The following LUC7L2 variants were observed in gnomAD, a reference collection of about 807,000 sequenced individuals.
LUC7L2 encodes the protein putative RNA-binding protein Luc7-like 2.
Under a neutral mutation model 52.8 loss-of-function variants are expected in LUC7L2, and 25 were observed. That is an observed-to-expected ratio of 0.47 (90% CI 0.34 to 0.66). The LOEUF (loss-of-function observed/expected upper bound fraction) is 0.66, where lower values mean the gene tolerates loss of function less well. Ranked by LOEUF, LUC7L2 falls within the 30% of genes least tolerant of loss-of-function variation. The pLI, the probability that LUC7L2 is intolerant of heterozygous loss-of-function variation, is 0.01. For synonymous variants in LUC7L2, 144 were observed against 160.9 expected (o/e 0.89, Z 0.80); for missense variants, 328 against 497.8 (o/e 0.66, Z 3.25).
At chr7:139,385,461 G>A (rs1455927137) in intron 2 of LUC7L2, among the ~76,000 whole-genome samples, 3 of 151,628 alleles carry the variant, frequency 2.0e-5, no homozygotes, top group Non-Finnish European at 4.4e-5. Context: ...AGCAAGGACT[G>A]CAGGCTCATG....
In LUC7L2 at chr7:139,371,342, G is replaced by A. The variant is rs538384467; in HGVS notation, c.62-4720G>A. 6.9e-5 allele frequency: 52 copies of A among 756,126 alleles called. 2 individuals carry two copies. The highest frequency in any genetic ancestry group is 4.0e-4 in the African/African-American group (23 of 57,904). The allele number at this position is 756,126 out of a possible 1,614,324, so 46.8% of individuals were successfully genotyped here. ...TATGTCAAATATTACAAACTTTAAG[G>A]TTCTTTTGAAATTACAATACTAAAC... On this transcript the variant is annotated intron_variant, in intron 1 of 9. Coordinates refer to ENST00000354926, the MANE Select transcript of LUC7L2 (RefSeq NM_016019.5).
intron 2 of LUC7L2, among the ~76,000 whole-genome samples, chr7:139,389,720 T>A (rs1427862796): frequency 2.0e-5 from 3 of 152,186 alleles, no homozygotes; most frequent in Admixed American, 2.0e-4. Flanking sequence ...TAACAAAATA[T>A]TGAGTACCTA....
At chr7:139,349,973 T>C (rs6962029) in intron 1 of LUC7L2, among the ~76,000 whole-genome samples, 58,824 of 152,080 alleles carry the variant, frequency 0.39, 15,852 homozygotes, top group African/African-American at 0.77. Flanking sequence ...CAGTCAATTC[T>C]CCTTCCCCAC....
intron 2 of LUC7L2, among the ~76,000 whole-genome samples, chr7:139,398,103 C>T (rs995350731): frequency 3.3e-5 from 5 of 152,204 alleles, no homozygotes; most frequent in African/African-American, 1.2e-4. Context: ...AAGCGATCCT[C>T]CTGCCTTGGC....
At chr7:139,348,548 G>A (rs181864072) in intron 1 of LUC7L2, among the ~76,000 whole-genome samples, 33 of 151,678 alleles carry the variant, frequency 2.2e-4, no homozygotes, top group African/African-American at 4.6e-4. Flanking sequence ...GTGAAACCCC[G>A]TCTCTACTAA....
chr7:139,356,592 G>A (rs182192984), upstream of LUC7L2, among the ~76,000 whole-genome samples: 16 of 147,546 alleles, frequency 1.1e-4, no homozygotes, highest in East Asian at 3.1e-3. Flanking sequence ...GACCAGCCTG[G>A]CCAACATGGT....
At chr7:139,420,067 C>T (rs994317795) in intron 9 of LUC7L2, among the ~76,000 whole-genome samples, 1 of 147,272 alleles carries the variant, frequency 6.8e-6, no homozygotes, top group Non-Finnish European at 1.5e-5. Flanking sequence ...CAAGTAGATT[C>T]TTTGTGACCT....
At chr7:139,361,080 G>A (rs899228799) in intron 1 of LUC7L2, among the ~76,000 whole-genome samples, 1 of 152,214 alleles carries the variant, frequency 6.6e-6, no homozygotes, top group African/African-American at 2.4e-5. Flanking sequence ...CCTTTCAGGC[G>A]TTTAGTTTAG....
intron 1 of LUC7L2, chr7:139,371,423 C>T (rs542179637): frequency 7.6e-6 from 11 of 1,447,152 alleles, no homozygotes; most frequent in Middle Eastern, 1.7e-4. Flanking sequence ...TGGTCATCCA[C>T]TCACAGCTTA....
At chr7:139,387,988 C>T (rs13243427) in intron 2 of LUC7L2, among the ~76,000 whole-genome samples, 1 of 152,146 alleles carries the variant, frequency 6.6e-6, no homozygotes, top group Admixed American at 6.6e-5. Context: ...GCATGCTTCT[C>T]ATTTTTGTTT....
chr7:139,341,456 C>T (rs769358474), intron 1 of LUC7L2: 1 of 1,613,684 alleles, frequency 6.2e-7, no homozygotes, highest in East Asian at 2.2e-5. Flanking sequence ...TGAGCGCGGC[C>T]ACCGGCCGAC....
At chr7:139,366,038 G>A (rs1055143105) in intron 1 of LUC7L2, among the ~76,000 whole-genome samples, 10 of 152,196 alleles carry the variant, frequency 6.6e-5, no homozygotes, top group Non-Finnish European at 1.3e-4. Flanking sequence ...GAAATCATCT[G>A]CAGCTCCATG....
chr7:139,412,014 C>T (rs1795380595), intron 7 of LUC7L2, among the ~76,000 whole-genome samples: 1 of 151,946 alleles, frequency 6.6e-6, no homozygotes, highest in African/African-American at 2.4e-5. Context: ...GTGCTGGCAG[C>T]ATTTAAAGGA....
chr7:139,368,282 G>T (rs1460027087), intron 1 of LUC7L2, among the ~76,000 whole-genome samples: 2 of 152,114 alleles, frequency 1.3e-5, no homozygotes, highest in African/African-American at 4.8e-5. Context: ...AATCTAATGG[G>T]AATGAAGAAT....
At chr7:139,373,606 C>T (rs1309484771) in intron 1 of LUC7L2, among the ~76,000 whole-genome samples, 1 of 151,446 alleles carries the variant, frequency 6.6e-6, no homozygotes, top group Non-Finnish European at 1.5e-5. Context: ...TTTTAAAAAA[C>T]ACAAAAAAGC....
intron 1 of LUC7L2, among the ~76,000 whole-genome samples, chr7:139,342,420 A>C (rs946747399): frequency 6.6e-6 from 1 of 152,118 alleles, no homozygotes; most frequent in Non-Finnish European, 1.5e-5. Context: ...AAGGGGAGAA[A>C]AATTGCCAGT....
At chr7:139,355,872 T>C (rs1375937351), upstream of LUC7L2, among the ~76,000 whole-genome samples, 1 of 152,210 alleles carries the variant, frequency 6.6e-6, no homozygotes, top group Non-Finnish European at 1.5e-5. Flanking sequence ...GGATTCTCAA[T>C]GAACGAATGA....
chr7:139,372,280 TA>T (rs1447202244), intron 1 of LUC7L2, among the ~76,000 whole-genome samples: 1 of 152,094 alleles, frequency 6.6e-6, no homozygotes, highest in Admixed American at 6.5e-5. Flanking sequence ...AAATTTGGAT[TA>T]AAAAATGAAA....
chr7:139,340,942 G>T (rs1301025722), intron 1 of LUC7L2, among the ~76,000 whole-genome samples: 1 of 151,974 alleles, frequency 6.6e-6, no homozygotes, highest in East Asian at 1.9e-4. Context: ...AGGTCCCCTG[G>T]GATTTGGGGA....
Sources: allele counts gnomAD v4.1 joint callset (sites outside exome capture counted in the v4.1 genomes callset), GRCh38; gene constraint gnomAD v4.1.1; transcripts MANE v1.5; gene names NCBI Gene and HGNC (gene_info 2026-07-23, HGNC 2026-07-21).